Variants in FRMD8 observed in about 807,000 individuals in gnomAD.
The protein encoded by FRMD8 is FERM domain-containing protein 8.
FRMD8 carries 37 observed loss-of-function variants against 54.2 expected under a neutral mutation model. That is an observed-to-expected ratio of 0.68 (90% CI 0.53 to 0.90). The LOEUF (loss-of-function observed/expected upper bound fraction) is 0.90, where lower values mean the gene tolerates loss of function less well. FRMD8 is among the 40% of genes least tolerant of loss of function. The pLI is 0.00. For synonymous variants in FRMD8, 246 were observed against 286.9 expected (o/e 0.86, Z 1.44); for missense variants, 585 against 653.7 (o/e 0.89, Z 1.15).
At chr11:65,368,859 G>C in the FRMD8 span, among the ~76,000 whole-genome samples, 3 of 152,196 alleles carry the variant, frequency 2.0e-5, no homozygotes, top group South Asian at 2.1e-4. Context: ...CACCACGCCC[G>C]GTCTACCAGC....
At position 65,413,491 on chromosome 11, in the gene FRMD8, T is replaced by C. The variant is rs1289614201; in HGVS notation, c.*2131T>C. 1.3e-5 allele frequency: 2 copies of C among 152,266 alleles called. No individual in the cohort carries two copies. The highest frequency in any genetic ancestry group is 4.8e-5 in the African/African-American group (2 of 41,482). 9.4% of individuals were successfully genotyped at this position (152,266 alleles called of 1,614,324 possible). A position where few individuals can be genotyped will look rare whatever the true frequency, so the allele number is the denominator to read the frequency against. On this transcript the variant is annotated 3_prime_UTR_variant, in exon 11 of 11. Transcript: ENST00000317568. ...TTCTTTGAATGTTCTCATTCTTTTG[T>C]ATCATGTGACTTATTAAAATCAGTT...
chr11:65,380,510 T>A, the FRMD8 span: 2 of 1,390,748 alleles, frequency 1.4e-6, no homozygotes, highest in Non-Finnish European at 1.9e-6. Flanking sequence ...CGCGGGACTC[T>A]GGGAGAATCA....
chr11:65,369,957 G>A, the FRMD8 span, among the ~76,000 whole-genome samples: 1 of 151,010 alleles, frequency 6.6e-6, no homozygotes, highest in Non-Finnish European at 1.5e-5. Context: ...CTTGAACCCA[G>A]GAGGTGGAAG....
At chr11:65,391,031 C>T (rs566096225) in intron 3 of FRMD8, among the ~76,000 whole-genome samples, 1 of 152,382 alleles carries the variant, frequency 6.6e-6, no homozygotes, top group Admixed American at 6.5e-5. Flanking sequence ...TTCCCCCGGC[C>T]CCTGCACCCC....
upstream of FRMD8, chr11:65,386,525 G>A (rs1212185064): frequency 6.4e-6 from 1 of 155,320 alleles, no homozygotes; most frequent in Non-Finnish European, 1.4e-5. Flanking sequence ...ACGCGAGGCT[G>A]GCGTCCGGGC....
chr11:65,401,019 A>T, intron 9 of FRMD8, 152 bp downstream of exon 9: 1 of 853,592 alleles, frequency 1.2e-6, no homozygotes, highest in Non-Finnish European at 1.8e-6. Flanking sequence ...GGGTGCCTTG[A>T]GTCCTGCTGA....
intron 10 of FRMD8, among the ~76,000 whole-genome samples, chr11:65,411,039 C>T (rs1236467407): frequency 1.3e-5 from 2 of 152,200 alleles, no homozygotes; most frequent in Non-Finnish European, 2.9e-5. Context: ...TCTGTGATGA[C>T]CTTAGGTCGG....
chr11:65,406,691 G>C (rs1190249147), intron 10 of FRMD8, among the ~76,000 whole-genome samples: 1 of 151,900 alleles, frequency 6.6e-6, no homozygotes, highest in Admixed American at 6.6e-5. Context: ...TGTAATCCTA[G>C]CACATTGGGA....
chr11:65,389,450 C>T lies in FRMD8; in HGVS notation c.175C>T (p.Arg59Cys), dbSNP rs768757210. The T allele has an allele frequency of 1.2e-5, 20 of 1,609,462 alleles. No homozygotes were observed. Among genetic ancestry groups the T allele is most frequent in the Middle Eastern group, 1.6e-4 (1 of 6,084 alleles). ...CTCGCTCAGTGCCCATGAGCTGCAC[C>T]GCGCTGTCCGCGAGGTCCTGCAGCT... ...LPSLSAHELH[R>C]AVREVLQLPD... The change falls in exon 3 of 11, where the codon CGC becomes TGC. Residue 59 changes from arginine (R) to cysteine (C), a missense_variant. Transcript: ENST00000317568.
intron 10 of FRMD8, among the ~76,000 whole-genome samples, chr11:65,406,702 G>T (rs1438223051): frequency 6.6e-6 from 1 of 151,974 alleles, no homozygotes; most frequent in Admixed American, 6.6e-5. Context: ...CACATTGGGA[G>T]ACCAAGGCGG....
In FRMD8 at chr11:65,404,998, G is replaced by C. The variant is rs1372052020; in HGVS notation, c.1206G>C (p.Lys402Asn). 1 of 1,613,238 alleles carries C rather than the reference G, an allele frequency of 6.2e-7. No individual in the cohort carries two copies. Among genetic ancestry groups the C allele is most frequent in the Non-Finnish European group, 8.5e-7 (1 of 1,180,046 alleles). Reference sequence around the variant, plus strand: ...CACTGGCTCCTGTTCAGCGCCCCAAGCTGCGGAGGCAGGGCAGTGTGGTGT... The same window carrying C: ...CACTGGCTCCTGTTCAGCGCCCCAACCTGCGGAGGCAGGGCAGTGTGGTGT... ...SSSLAPVQRP[K>N]LRRQGSVVSS... The change falls in exon 10 of 11, where the codon AAG (lysine) becomes AAC (asparagine). Residue 402 changes from lysine (K) to asparagine (N), a missense_variant. Physicochemically the swap from Lys to Asn is moderately conservative, Grantham distance 94. Coordinates refer to ENST00000317568, the MANE Select transcript of FRMD8 (RefSeq NM_031904.5). The surrounding 1 kb of genome is among the most constrained non-coding windows in gnomAD (Gnocchi z 4.7).
In FRMD8 at chr11:65,411,294, G is replaced by T. The variant is rs1157514921; in HGVS notation, c.1329G>T (p.Arg443=). The T allele has an allele frequency of 6.2e-7, 1 of 1,609,654 alleles. No individual in the cohort carries two copies. Among genetic ancestry groups the T allele is most frequent in the South Asian group, 1.1e-5 (1 of 90,612 alleles). The change falls in exon 11 of 11, where the codon CGG becomes CGT. Residue 443 remains arginine (R), a synonymous_variant. Transcript: ENST00000317568. ...AGCGCACCACATCCTTCTTCAGCCG[G>T]CAGCTGTCCTTGGGCCAGGGGAGCT... ...KPKRTTSFFS[R]QLSLGQGSYT...
intron 1 of FRMD8, 81 bp downstream of exon 1, chr11:65,386,842 C>T (rs1855742057): frequency 1.7e-6 from 1 of 583,234 alleles, no homozygotes; most frequent in South Asian, 2.1e-5. Context: ...TCCAGGTCGA[C>T]CCCCGGTTCT....
intron 7 of FRMD8, 44 bp downstream of exon 7, chr11:65,397,064 G>A (rs1384661704): frequency 3.5e-6 from 4 of 1,151,688 alleles, no homozygotes; most frequent in African/African-American, 3.2e-5. Context: ...TCCGCAGGCT[G>A]TTCTTGGGCT....
intron 9 of FRMD8, among the ~76,000 whole-genome samples, chr11:65,403,432 C>T (rs1369361064): frequency 3.3e-5 from 5 of 152,258 alleles, no homozygotes; most frequent in Non-Finnish European, 7.3e-5. Context: ...ATCCACCCGC[C>T]TCGGCCTCCC....
the FRMD8 span, chr11:65,376,657 A>G: frequency 6.2e-7 from 1 of 1,613,872 alleles, no homozygotes; most frequent in Non-Finnish European, 8.5e-7. Context: ...GCCCCCTGCC[A>G]CCAGCACCGT....
chr11:65,370,792 C>CAGT, the FRMD8 span, among the ~76,000 whole-genome samples: 3 of 151,638 alleles, frequency 2.0e-5, no homozygotes, highest in African/African-American at 7.3e-5. Flanking sequence ...AGGCCAGATG[C>CAGT]AGTAGCTCAT....
intron 10 of FRMD8, among the ~76,000 whole-genome samples, chr11:65,410,682 C>T (rs1019599736): frequency 3.9e-5 from 6 of 152,168 alleles, no homozygotes; most frequent in Non-Finnish European, 7.4e-5. Flanking sequence ...CCCAGCTTCT[C>T]AGGAGGCTGA....
the FRMD8 span, chr11:65,379,008 A>C: frequency 3.8e-6 from 1 of 262,262 alleles, no homozygotes; most frequent in Non-Finnish European, 7.4e-6. Flanking sequence ...CTGGGCTCAC[A>C]GCTCTGCGGG....
Sources: allele counts gnomAD v4.1 joint callset (sites outside exome capture counted in the v4.1 genomes callset), GRCh38; gene constraint gnomAD v4.1.1; non-coding constraint Gnocchi (gnomAD v3.1); transcripts MANE v1.5; gene names NCBI Gene and HGNC (gene_info 2026-07-23, HGNC 2026-07-21).